Variants in AMMECR1 observed in about 807,000 individuals in gnomAD.
The protein encoded by AMMECR1 is AMMECR nuclear protein 1, also known as nuclear protein AMMECR1.
AMMECR1 carries 3 observed loss-of-function variants against 22.5 expected under a neutral mutation model. The ratio of observed to expected loss-of-function variants is 0.13; its 90% confidence interval spans 0.06 to 0.35. The LOEUF is 0.35. AMMECR1 is among the 10% of genes least tolerant of loss of function. AMMECR1 has a pLI of 1.00. For synonymous variants in AMMECR1, 130 were observed against 116.7 expected (o/e 1.11, Z -0.74); for missense variants, 235 against 278.7 (o/e 0.84, Z 1.12).
intron 2 of AMMECR1, among the ~76,000 whole-genome samples, chrX:110,418,033 G>T (rs191514619): frequency 2.1e-4 from 24 of 112,686 alleles, no homozygotes; most frequent in Admixed American, 2.1e-3. Flanking sequence ...CTTGAAGGGT[G>T]AGATGGGGTT....
chrX:110,426,731 G>A (rs779164246), exon 2 of AMMECR1: 5 of 111,828 alleles, frequency 4.5e-5, no homozygotes, highest in South Asian at 3.8e-4. Flanking sequence ...GGTAGTCACC[G>A]TCTTCCTTTT....
At position 110,296,192 on chromosome X, in the gene AMMECR1, G is replaced by A. The variant is rs146671850; in HGVS notation, c.473+21407C>T. Reference sequence around the variant, plus strand: ...AGTTTTGCTAGATATAGAAATATTGGTTGACAGTCTTATTTTCTAACATTT... The same window carrying A: ...AGTTTTGCTAGATATAGAAATATTGATTGACAGTCTTATTTTCTAACATTT... On this transcript the variant is annotated intron_variant, in intron 1 of 5. Coordinates refer to ENST00000262844, the MANE Select transcript of AMMECR1 (RefSeq NM_015365.3). Among the ~76,000 whole-genome samples the A allele has an allele frequency of 5.2e-3, 585 of 111,759 alleles. 4 individuals carry two copies. Among genetic ancestry groups the A allele is most frequent in the Non-Finnish European group, 5.5e-3 (291 of 52,987 alleles).
chrX:110,296,365 G>C (rs2067935838), intron 1 of AMMECR1, among the ~76,000 whole-genome samples: 1 of 111,503 alleles, frequency 9.0e-6, no homozygotes, highest in Non-Finnish European at 1.9e-5. Context: ...ATTGTATCTG[G>C]GTGTGAATCC....
At chrX:110,264,660 A>G in intron 1 of AMMECR1, 61 bp from the exon 2 acceptor site, 1 of 927,849 alleles carries the variant, frequency 1.1e-6, no homozygotes, top group Non-Finnish European at 1.5e-6. Context: ...GTATTTATTG[A>G]GTATTGACTG....
At chrX:110,317,153 AT>A (rs1602890974) in intron 1 of AMMECR1, among the ~76,000 whole-genome samples, 1 of 111,420 alleles carries the variant, frequency 9.0e-6, no homozygotes, top group Admixed American at 9.5e-5. Flanking sequence ...TCATCCTGCA[AT>A]GGGATAGTAG....
rs775736686 is a variant in AMMECR1, at chrX:110,314,961, T to C, written c.473+2638A>G. ...CTGAGAGAAAAGTCCTGGGAAAGGA[T>C]GAAAAGAGTGTGCGTTTACGTATGA... On this transcript the variant is annotated intron_variant, in intron 1 of 5. Transcript: ENST00000262844. 1.7e-4 allele frequency among the ~76,000 whole-genome samples: 19 copies of C among 111,600 alleles called. No homozygotes were observed. In the South Asian group the frequency reaches 7.3e-3, roughly 43 times the overall value.
At chrX:110,375,131 C>T (rs190720928) in intron 2 of AMMECR1, among the ~76,000 whole-genome samples, 76 of 111,053 alleles carry the variant, frequency 6.8e-4, no homozygotes, top group African/African-American at 2.3e-3. Flanking sequence ...TGTTAAACTG[C>T]CTGACTAGTG....
intron 2 of AMMECR1, among the ~76,000 whole-genome samples, chrX:110,426,075 C>T (rs1407825529): frequency 8.9e-6 from 1 of 111,921 alleles, no homozygotes; most frequent in Non-Finnish European, 1.9e-5. Context: ...TCTATTGTGG[C>T]TTGATTTCTT....
intron 2 of AMMECR1, among the ~76,000 whole-genome samples, chrX:110,218,054 A>G (rs1294693214): frequency 1.8e-5 from 2 of 111,691 alleles, no homozygotes; most frequent in Non-Finnish European, 3.8e-5. Context: ...GCATTTCACT[A>G]TTTTATAATT....
intron 2 of AMMECR1, among the ~76,000 whole-genome samples, chrX:110,362,893 T>G (rs1375110229): frequency 1.8e-5 from 2 of 112,108 alleles, no homozygotes; most frequent in African/African-American, 3.2e-5. Flanking sequence ...ATTTAATTCT[T>G]ATAAAACACC....
intron 2 of AMMECR1, among the ~76,000 whole-genome samples, chrX:110,364,225 C>G (rs758170962): frequency 8.9e-6 from 1 of 111,749 alleles, no homozygotes; most frequent in African/African-American, 3.3e-5. Context: ...TGTGCCCTGT[C>G]ACTTATAAGG....
rs1481464486 is a variant in AMMECR1 at position 110,198,616 on chromosome X, C to A, written c.906G>T (p.Met302Ile). The A allele has an allele frequency of 8.3e-7, 1 of 1,201,092 alleles. No homozygotes were observed. Among genetic ancestry groups the A allele is most frequent in the South Asian group, 1.8e-5 (1 of 56,585 alleles). ...IKLTRYRSEK[M>I]TLSYAEYLAH... ...CAAGGTATTCAGCATAGCTCAGGGT[C>A]ATCTTTTCACTACGATACCTGAAAG... The change falls in exon 6 of 6, where the codon ATG becomes ATT. Residue 302 changes from methionine (M) to isoleucine (I), a missense_variant. By Grantham distance (10) the Met-to-Ile change is conservative. This residue lies in a region of AMMECR1 where 111 missense variants were observed against 181.7 expected (regional missense o/e 0.61). Transcript: ENST00000262844.
At chrX:110,281,098 A>G (rs2067850255) in intron 1 of AMMECR1, among the ~76,000 whole-genome samples, 1 of 112,655 alleles carries the variant, frequency 8.9e-6, no homozygotes, top group African/African-American at 3.2e-5. Flanking sequence ...ACCAGCACTT[A>G]TGAATCATTT....
At chrX:110,409,665 C>T (rs2148307065) in intron 2 of AMMECR1, among the ~76,000 whole-genome samples, 1 of 109,864 alleles carries the variant, frequency 9.1e-6, no homozygotes, top group African/African-American at 3.3e-5. Flanking sequence ...TTTTCACTCC[C>T]CTGATCCCAT....
chrX:110,339,401 T>TAA (rs10664998), intron 2 of AMMECR1, among the ~76,000 whole-genome samples: 7,183 of 48,712 alleles, frequency 0.15, 894 homozygotes, highest in East Asian at 0.71. Context: ...TGGTTTGTTG[T>TAA]AAAAAAAAAA....
intron 1 of AMMECR1, among the ~76,000 whole-genome samples, chrX:110,284,668 AAATTAGC>A (rs933362341): frequency 1.8e-5 from 2 of 111,963 alleles, no homozygotes; most frequent in Admixed American, 1.9e-4. Context: ...CCAGAAGACA[AAATTAGC>A]CCACTCTTAA....
At chrX:110,317,564 G>C in intron 1 of AMMECR1, 35 bp downstream of exon 1, 1 of 1,133,284 alleles carries the variant, frequency 8.8e-7, no homozygotes, top group Non-Finnish European at 1.2e-6. Flanking sequence ...CATCCCGAGC[G>C]CAAGGGAGAG....
chrX:110,258,996 A>G (rs2067724720), intron 2 of AMMECR1, among the ~76,000 whole-genome samples: 1 of 112,142 alleles, frequency 8.9e-6, no homozygotes, highest in African/African-American at 3.2e-5. Context: ...GAAAAATGCC[A>G]GATTACAACA....
chrX:110,251,643 G>A (rs1051497006), intron 2 of AMMECR1, among the ~76,000 whole-genome samples: 4 of 112,231 alleles, frequency 3.6e-5, no homozygotes, highest in African/African-American at 1.3e-4. Context: ...CAGTGAGCCA[G>A]AATAAGAACC....
Sources: allele counts gnomAD v4.1 joint callset (sites outside exome capture counted in the v4.1 genomes callset), GRCh38; gene constraint gnomAD v4.1.1; regional missense constraint gnomAD v4.1.1; transcripts MANE v1.5; gene names NCBI Gene and HGNC (gene_info 2026-07-23, HGNC 2026-07-21).